RBM43: variants seen among roughly 807,000 people sequenced by gnomAD.
RBM43 encodes the protein RNA binding motif protein 43, also known as RNA-binding protein 43.
A neutral mutation model predicts 12.4 loss-of-function variants in RBM43; 12 were observed. The ratio of observed to expected loss-of-function variants is 0.97; its 90% CI spans 0.62 to 1.57. The LOEUF is 1.57. Among genes scored for constraint, RBM43 ranks in the 40% most tolerant of loss-of-function variants. RBM43 has a pLI of 0.00. For missense variants in RBM43, 348 were observed against 400.1 expected (o/e 0.87, Z 1.11); for synonymous variants, 138 against 145.7 (o/e 0.95, Z 0.38).
intron 2 of RBM43, among the ~76,000 whole-genome samples, chr2:151,254,287 ATC>A (rs71000460): frequency 0.023 from 3,384 of 149,454 alleles, 126 homozygotes; most frequent in African/African-American, 0.075. Context: ...ACCGAGGCCA[ATC>A]TCTCTCTCTC....
At chr2:151,258,470 C>T (rs544026742) in intron 1 of RBM43, among the ~76,000 whole-genome samples, 23 of 151,536 alleles carry the variant, frequency 1.5e-4, no homozygotes, top group African/African-American at 5.1e-4. Context: ...TCAAGGTGGG[C>T]GGATCACTTG....
chr2:151,259,538 C>G (rs912155695), intron 1 of RBM43, among the ~76,000 whole-genome samples: 2 of 152,114 alleles, frequency 1.3e-5, no homozygotes, highest in African/African-American at 2.4e-5. Context: ...ACTCCAGAGG[C>G]TGAGGAACCA....
In RBM43 at chr2:151,250,598, C is replaced by CAAAA. The variant is rs34911765; in HGVS notation, c.*304_*307dup. 46 of 123,230 alleles carry CAAAA rather than the reference C, an allele frequency of 3.7e-4. No individual in the cohort carries two copies. The highest frequency in any genetic ancestry group is 1.1e-3 in the South Asian group (4 of 3,664). 7.6% of individuals were successfully genotyped at this position (123,230 alleles called of 1,614,324 possible). On this transcript the variant is annotated 3_prime_UTR_variant, in exon 4 of 4. Transcript: ENST00000331426. ...TGGACAACAGAGCGAGACTCCATCTCAAAAAAAAAAAAAAAAAAGTTTGGT... is the reference window on the plus strand; with the variant it reads ...TGGACAACAGAGCGAGACTCCATCTCAAAAAAAAAAAAAAAAAAAAAAGTTTGGT...
intron 1 of RBM43, among the ~76,000 whole-genome samples, chr2:151,258,470 C>A (rs544026742): frequency 3.3e-5 from 5 of 151,438 alleles, no homozygotes; most frequent in Non-Finnish European, 1.5e-5. Flanking sequence ...TCAAGGTGGG[C>A]GGATCACTTG....
At position 151,255,530 on chromosome 2, in the gene RBM43, T is replaced by C. The variant is rs765433051; in HGVS notation, c.214+3A>G. 27 of 1,588,008 alleles carry C rather than the reference T, an allele frequency of 1.7e-5. No individual in the cohort carries two copies. The South Asian group carries it at 2.0e-4, about 12-fold the overall frequency. The stretch of plus-strand genomic sequence containing the variant: ...AAATTACAAAAATTTGACTTGGAAA[T>C]ACCTTTTTTTTCTTTGAATATTACA... On this transcript the variant is annotated splice_donor_region_variant and intron_variant, in intron 2 of 3. Coordinates refer to ENST00000331426, the MANE Select transcript of RBM43 (RefSeq NM_198557.3).
Position 151,250,863 on chromosome 2 carries a change from A to G in RBM43, c.*43T>C. On this transcript the variant is annotated 3_prime_UTR_variant, in exon 4 of 4. Coordinates refer to ENST00000331426, the MANE Select transcript of RBM43 (RefSeq NM_198557.3). Reference sequence around the variant, plus strand: ...TCATTCATGGCAATGGTCACTGCTCAGCAAGAGAAAGCAGCCCTTATGACT... The same window carrying G: ...TCATTCATGGCAATGGTCACTGCTCGGCAAGAGAAAGCAGCCCTTATGACT... 1.4e-6 allele frequency: 2 copies of G among 1,449,476 alleles called. No homozygotes were observed. Among genetic ancestry groups the G allele is most frequent in the Non-Finnish European group, 9.4e-7 (1 of 1,068,262 alleles). The allele number at this position is 1,449,476 out of a possible 1,614,324, so 89.8% of individuals were successfully genotyped here.
chr2:151,253,309 C>A (rs1054235871), intron 2 of RBM43, among the ~76,000 whole-genome samples: 1 of 152,174 alleles, frequency 6.6e-6, no homozygotes, highest in Non-Finnish European at 1.5e-5. Context: ...TGTACCCCAT[C>A]CCCTGGGTGA....
chr2:151,258,384 T>C (rs2880488), intron 1 of RBM43, among the ~76,000 whole-genome samples: 51,944 of 141,434 alleles, frequency 0.37, 10,890 homozygotes, highest in Admixed American at 0.51. Context: ...TATTTTACTT[T>C]AAAAAAAAAA....
chr2:151,261,518 G>T (rs80001583), intron 1 of RBM43: 42,741 of 1,549,018 alleles, frequency 0.028, 659 homozygotes, highest in Non-Finnish European at 0.032. Flanking sequence ...ACCTGGGAAG[G>T]GTGCAGCGAG....
intron 2 of RBM43, among the ~76,000 whole-genome samples, chr2:151,254,910 G>A (rs1306877286): frequency 6.6e-6 from 1 of 152,124 alleles, no homozygotes; most frequent in Non-Finnish European, 1.5e-5. Context: ...TATCATCTTT[G>A]TGGGGTTTTT....
intron 1 of RBM43, 128 bp from the exon 2 acceptor site, chr2:151,255,871 A>C: frequency 1.5e-6 from 1 of 675,782 alleles, no homozygotes. Context: ...GATACTTTTT[A>C]AAAGGGGTGT....
chr2:151,251,030 C>T lies in RBM43; in HGVS notation c.950G>A (p.Ser317Asn). The change falls in exon 4 of 4, where the codon AGT becomes AAT. Residue 317 changes from serine (S) to asparagine (N), a missense_variant. Physicochemically the swap from Ser to Asn is conservative, Grantham distance 46. Coordinates refer to ENST00000331426, the MANE Select transcript of RBM43 (RefSeq NM_198557.3). ...AATCAGGACTTCAAGGTATCTCGAA[C>T]TTAATTGTTCACATGCCCTTTTGAT... is the stretch of plus-strand genomic sequence containing the variant. ...RMIKRACEQL[S>N]SRYLEVLINL... The T allele has an allele frequency of 6.2e-7, 1 of 1,614,074 alleles. No homozygotes were observed. The highest frequency in any genetic ancestry group is 1.1e-5 in the South Asian group (1 of 91,088).
At chr2:151,255,800 T>C (rs1364494582) in intron 1 of RBM43, 57 bp from the exon 2 acceptor site, 21 of 1,210,694 alleles carry the variant, frequency 1.7e-5, no homozygotes, top group Non-Finnish European at 2.6e-5. Flanking sequence ...ATAATAAAGA[T>C]GACATCACAC....
chr2:151,261,640 GC>G, intron 1 of RBM43, 84 bp downstream of exon 1: 2 of 1,554,668 alleles, frequency 1.3e-6, no homozygotes, highest in Non-Finnish European at 1.7e-6. Context: ...GGCCCGTCGC[GC>G]CCGGTTCCGC....
At chr2:151,256,504 T>A (rs1015256382) in intron 1 of RBM43, among the ~76,000 whole-genome samples, 1 of 152,100 alleles carries the variant, frequency 6.6e-6, no homozygotes, top group Non-Finnish European at 1.5e-5. Flanking sequence ...ATTGTCAGAA[T>A]CAGGAAAGTT....
rs530968083 is a variant in RBM43 at position 151,255,593 on chromosome 2, C to A, written c.154G>T (p.Asp52Tyr). Residue 52 changes from aspartate to tyrosine, a missense_variant, in exon 2 of 4, where the codon GAT becomes TAT. Physicochemically the swap from Asp to Tyr is radical, Grantham distance 160 (BLOSUM62 -3). Coordinates refer to ENST00000331426, the MANE Select transcript of RBM43 (RefSeq NM_198557.3). ...TTGGTTCTTGTCGGATATATCACAT[C>A]TTCAACATCTCCGCCCTCATTCTTA... ...DIKNEGGDVE[D>Y]VIYPTRTKGV... The A allele has an allele frequency of 6.2e-7, 1 of 1,613,842 alleles. No homozygotes were observed. Among genetic ancestry groups the A allele is most frequent in the Non-Finnish European group, 8.5e-7 (1 of 1,179,914 alleles).
rs1362513985 is a variant in RBM43, at chr2:151,249,872, C to T, written c.*1034G>A. ...CAGTAGCCAGGCTCACAGAGAATTA[C>T]ATTCTTGGAGCAATATTATGTGTCC... On this transcript the variant is annotated 3_prime_UTR_variant, in exon 4 of 4. Transcript: ENST00000331426. The T allele has an allele frequency of 6.6e-6, 1 of 152,218 alleles. No individual in the cohort carries two copies. The highest frequency in any genetic ancestry group is 1.5e-5 in the Non-Finnish European group (1 of 68,044). The allele number at this position is 152,218 out of a possible 1,614,324, so 9.4% of individuals were successfully genotyped here. A position where few individuals can be genotyped will look rare whatever the true frequency, so the allele number is the denominator to read the frequency against.
chr2:151,255,039 C>T (rs1436443129), intron 2 of RBM43, among the ~76,000 whole-genome samples: 1 of 152,186 alleles, frequency 6.6e-6, no homozygotes, highest in Non-Finnish European at 1.5e-5. Context: ...TCACTAACAA[C>T]TTTATCATGA....
chr2:151,252,606 G>T (rs753495537), intron 3 of RBM43, 149 bp downstream of exon 3: 4 of 508,682 alleles, frequency 7.9e-6, no homozygotes, highest in East Asian at 2.9e-5. Context: ...CAAGGGCCAG[G>T]GTTGGCCTTT....
Sources: gnomAD v4.1 joint callset for allele counts (sites outside exome capture counted in the v4.1 genomes callset) on GRCh38, gnomAD v4.1.1 for gene constraint, MANE v1.5 for transcripts, NCBI Gene and HGNC (gene_info 2026-07-23, HGNC 2026-07-21) for gene names.